The following CREB5 variants were observed in gnomAD, a reference collection of about 807,000 sequenced individuals.
The protein encoded by CREB5 is cyclic AMP-responsive element-binding protein 5.
In CREB5, 19 loss-of-function variants were observed where a neutral mutation model predicts 57.1. The ratio of observed to expected loss-of-function variants is 0.33; its 90% confidence interval spans 0.23 to 0.49. The LOEUF (loss-of-function observed/expected upper bound fraction) is 0.49, where lower values mean the gene tolerates loss of function less well. Ranked by LOEUF, CREB5 falls within the 20% of genes least tolerant of loss-of-function variation. The pLI, the probability that CREB5 is intolerant of heterozygous loss-of-function variation, is 0.99. For synonymous variants in CREB5, 238 were observed against 238.3 expected, an observed-to-expected ratio of 1.00 and a Z score of 0.01; for missense variants, 579 against 671.6, an observed-to-expected ratio of 0.86 and a Z score of 1.52.
rs140611749 is a variant in CREB5, at chr7:28,370,070, A to G, written c.-25+70629A>G. ...CATAGCTAGAAGTGAGAATTACTAT[A>G]ATGTCTTTGCATTAGTTTAATGTTG... is the stretch of plus-strand genomic sequence containing the variant. On this transcript the variant is annotated intron_variant, in intron 1 of 9. Transcript: ENST00000396299. 5.1e-3 allele frequency among the ~76,000 whole-genome samples: 775 copies of G among 152,334 alleles called. 6 individuals are homozygous for G. Among genetic ancestry groups the G allele is most frequent in the African/African-American group, 0.017 (720 of 41,566 alleles).
chr7:28,701,714 T>G (rs1429053935), intron 5 of CREB5, among the ~76,000 whole-genome samples: 1 of 152,212 alleles, frequency 6.6e-6, no homozygotes, highest in East Asian at 1.9e-4. Flanking sequence ...ATAGTTATAG[T>G]AATGGATAAA....
chr7:28,608,700 T>C (rs1204363587), intron 5 of CREB5, among the ~76,000 whole-genome samples: 1 of 152,204 alleles, frequency 6.6e-6, no homozygotes, highest in Non-Finnish European at 1.5e-5. Context: ...CCTTCAGAAA[T>C]CATTACCATA....
At chr7:28,602,269 G>T (rs1406714282) in intron 5 of CREB5, among the ~76,000 whole-genome samples, 2 of 152,098 alleles carry the variant, frequency 1.3e-5, no homozygotes, top group Non-Finnish European at 2.9e-5. Flanking sequence ...TGGGATTACA[G>T]GTGTACACCA....
At chr7:28,560,871 TGCGCGTGCGTGC>T (rs1795124015) in intron 4 of CREB5, among the ~76,000 whole-genome samples, 4 of 38,000 alleles carry the variant, frequency 1.1e-4, no homozygotes, top group South Asian at 1.6e-3. Context: ...TGTGCCTGCG[TGCGCGTGCGTGC>T]GTGCGTGTGT....
At chr7:28,337,581 G>A (rs1444431711) in intron 1 of CREB5, among the ~76,000 whole-genome samples, 1 of 151,508 alleles carries the variant, frequency 6.6e-6, no homozygotes, top group Non-Finnish European at 1.5e-5. Context: ...CAGTCTATAT[G>A]TGTCTTTATA....
chr7:28,424,079 G>C (rs1015837695), intron 1 of CREB5, among the ~76,000 whole-genome samples: 1 of 152,152 alleles, frequency 6.6e-6, no homozygotes, highest in African/African-American at 2.4e-5. Context: ...TCCTTCTTCT[G>C]TCTTCTCTGT....
chr7:28,471,811 AAT>A (rs1217509585), intron 1 of CREB5, among the ~76,000 whole-genome samples: 4 of 152,302 alleles, frequency 2.6e-5, no homozygotes, highest in African/African-American at 9.6e-5. Flanking sequence ...GAACAGAGCC[AAT>A]CAATGTTCAT....
intron 5 of CREB5, among the ~76,000 whole-genome samples, chr7:28,624,654 T>C (rs992269441): frequency 2.7e-5 from 4 of 146,222 alleles, no homozygotes; most frequent in Non-Finnish European, 4.5e-5. Flanking sequence ...ACTTCGTTTT[T>C]CCTTGTTCCG....
intron 5 of CREB5, among the ~76,000 whole-genome samples, chr7:28,677,161 G>A (rs6979374): frequency 0.5 from 75,726 of 152,020 alleles, 20,188 homozygotes; most frequent in African/African-American, 0.7. Flanking sequence ...AGAGACATAT[G>A]AATGTATTTA....
Position 28,819,780 on chromosome 7 carries a change from T to C in CREB5, c.*501T>C, listed in dbSNP as rs1470915058. The C allele has an allele frequency of 2.0e-5, 3 of 152,598 alleles. No individual in the cohort carries two copies. Among genetic ancestry groups the C allele is most frequent in the African/African-American group, 7.2e-5 (3 of 41,444 alleles). The allele number at this position is 152,598 out of a possible 1,614,324, so 9.5% of individuals were successfully genotyped here. ...ACACACAGCCTTTCCCATACCTTTTTTTTTCTTACTATAAAATATTATAAG... is the reference window on the plus strand; with the variant it reads ...ACACACAGCCTTTCCCATACCTTTTCTTTTCTTACTATAAAATATTATAAG... On this transcript the variant is annotated 3_prime_UTR_variant, in exon 11 of 11. Transcript: ENST00000357727.
At chr7:28,642,022 A>T (rs1398410304) in intron 5 of CREB5, among the ~76,000 whole-genome samples, 2 of 152,224 alleles carry the variant, frequency 1.3e-5, no homozygotes, top group African/African-American at 4.8e-5. Context: ...CAAAATTAAC[A>T]AGATCTCCCA....
chr7:28,574,192 G>A (rs890843920), intron 5 of CREB5, among the ~76,000 whole-genome samples: 7 of 152,238 alleles, frequency 4.6e-5, no homozygotes, highest in Non-Finnish European at 8.8e-5. Flanking sequence ...GCCATGGGCT[G>A]TGGGGAAGAC....
At chr7:28,581,337 C>G (rs1249838658) in intron 5 of CREB5, among the ~76,000 whole-genome samples, 2 of 152,138 alleles carry the variant, frequency 1.3e-5, no homozygotes, top group African/African-American at 4.8e-5. Flanking sequence ...GAAAGTGTGG[C>G]CAGGGGATTT....
chr7:28,773,428 T>C (rs748620328), intron 7 of CREB5, among the ~76,000 whole-genome samples: 5 of 152,246 alleles, frequency 3.3e-5, no homozygotes, highest in Non-Finnish European at 7.3e-5. Flanking sequence ...TTAAAGCTTT[T>C]AATAACTGAA....
intron 1 of CREB5, among the ~76,000 whole-genome samples, chr7:28,370,283 C>A (rs1367215282): frequency 2.0e-5 from 3 of 152,192 alleles, no homozygotes; most frequent in Admixed American, 6.5e-5. Context: ...CCACTCACTG[C>A]TGAGCTGTGA....
chr7:28,634,688 T>C (rs749007683), intron 5 of CREB5, among the ~76,000 whole-genome samples: 1 of 152,164 alleles, frequency 6.6e-6, no homozygotes, highest in Non-Finnish European at 1.5e-5. Context: ...TTCTCTTTTT[T>C]CCATGGGCTG....
intron 5 of CREB5, among the ~76,000 whole-genome samples, chr7:28,606,505 A>AT (rs1797136558): frequency 6.6e-6 from 1 of 151,874 alleles, no homozygotes; most frequent in Admixed American, 6.6e-5. Flanking sequence ...ATCCCTGGGA[A>AT]TAGGGCCCTC....
chr7:28,657,747 T>G (rs1445177156), intron 5 of CREB5, among the ~76,000 whole-genome samples: 1 of 125,220 alleles, frequency 8.0e-6, no homozygotes, highest in African/African-American at 3.0e-5. Flanking sequence ...AAGAATAAAA[T>G]TGCTCCAAAG....
At chr7:28,332,028 C>G (rs1562660777) in intron 1 of CREB5, among the ~76,000 whole-genome samples, 1 of 151,984 alleles carries the variant, frequency 6.6e-6, no homozygotes, top group Non-Finnish European at 1.5e-5. Context: ...TGATACCATC[C>G]TGGATTATTT....
Sources: gnomAD v4.1 joint callset for allele counts (sites outside exome capture counted in the v4.1 genomes callset) on GRCh38, gnomAD v4.1.1 for gene constraint, MANE v1.5 for transcripts, NCBI Gene and HGNC (gene_info 2026-07-23, HGNC 2026-07-21) for gene names.